RIT2: variants seen among roughly 807,000 people sequenced by gnomAD.
RIT2 encodes Ras like without CAAX 2, also known as GTP-binding protein Rit2.
Under a neutral mutation model 23.7 loss-of-function variants are expected in RIT2, and 24 were observed. The ratio of observed to expected loss-of-function variants is 1.01; its 90% confidence interval spans 0.73 to 1.43. The LOEUF is 1.43. Among genes scored for constraint, RIT2 ranks in the 40% most tolerant of loss-of-function variants. The pLI, the probability that RIT2 is intolerant of heterozygous loss-of-function variation, is 0.00. For synonymous variants in RIT2, 107 were observed against 91.1 expected, an observed-to-expected ratio of 1.17 and a Z score of -0.99; for missense variants, 236 against 266.9, an observed-to-expected ratio of 0.88 and a Z score of 0.81.
intron 4 of RIT2, among the ~76,000 whole-genome samples, chr18:42,847,806 A>G (rs1442101424): frequency 2.0e-5 from 3 of 151,918 alleles, no homozygotes; most frequent in African/African-American, 4.8e-5. Flanking sequence ...ATTTTAAAAA[A>G]TATAAGTTAA....
chr18:42,882,439 T>C (rs1359418449), intron 4 of RIT2, among the ~76,000 whole-genome samples: 1 of 152,208 alleles, frequency 6.6e-6, no homozygotes, highest in Non-Finnish European at 1.5e-5. Context: ...TATATCTGAC[T>C]GTCCATATGC....
intron 1 of RIT2, among the ~76,000 whole-genome samples, chr18:43,052,234 T>C (rs943012932): frequency 2.6e-5 from 4 of 152,092 alleles, no homozygotes; most frequent in Non-Finnish European, 4.4e-5. Context: ...AGCTAAATAA[T>C]GCAATTGATA....
At chr18:42,827,821 C>A (rs546204800) in intron 4 of RIT2, among the ~76,000 whole-genome samples, 1 of 151,534 alleles carries the variant, frequency 6.6e-6, no homozygotes, top group African/African-American at 2.4e-5. Flanking sequence ...CTGGCTAACA[C>A]GGTGAAACCC....
chr18:42,818,983 T>C (rs1340141174), intron 4 of RIT2, among the ~76,000 whole-genome samples: 2 of 152,076 alleles, frequency 1.3e-5, no homozygotes, highest in African/African-American at 4.8e-5. Context: ...CTAAATGTTA[T>C]AAACATATTG....
At chr18:42,759,564 G>A (rs907752436) in intron 4 of RIT2, among the ~76,000 whole-genome samples, 1 of 151,986 alleles carries the variant, frequency 6.6e-6, no homozygotes, top group South Asian at 2.1e-4. Context: ...GAAAGAAAAG[G>A]TTTAGGAAAG....
chr18:42,893,683 C>T (rs1908244291), intron 4 of RIT2, among the ~76,000 whole-genome samples: 3 of 152,094 alleles, frequency 2.0e-5, no homozygotes, highest in South Asian at 4.2e-4. Context: ...TGAAACACCA[C>T]CTTTGAAATA....
At chr18:42,981,962 G>A (rs1424816414) in intron 2 of RIT2, among the ~76,000 whole-genome samples, 3 of 152,082 alleles carry the variant, frequency 2.0e-5, no homozygotes, top group East Asian at 1.9e-4. Flanking sequence ...TGCAGTCCAC[G>A]GAAACACTGT....
At chr18:42,907,566 T>A (rs1908655266) in intron 4 of RIT2, among the ~76,000 whole-genome samples, 1 of 152,122 alleles carries the variant, frequency 6.6e-6, no homozygotes, top group Admixed American at 6.6e-5. Flanking sequence ...ATGTAATGAC[T>A]AAAATGTCTG....
chr18:42,759,155 G>A (rs183938255), intron 4 of RIT2, among the ~76,000 whole-genome samples: 1 of 152,206 alleles, frequency 6.6e-6, no homozygotes, highest in African/African-American at 2.4e-5. Flanking sequence ...AAAGAATTCA[G>A]GATTGCAATA....
At chr18:42,877,653 C>A (rs1907779014) in intron 4 of RIT2, among the ~76,000 whole-genome samples, 1 of 151,538 alleles carries the variant, frequency 6.6e-6, no homozygotes, top group Non-Finnish European at 1.5e-5. Context: ...TTGAACATCT[C>A]TATTCTGGAA....
chr18:43,087,440 A>C (rs1033846606), intron 1 of RIT2, among the ~76,000 whole-genome samples: 1 of 152,074 alleles, frequency 6.6e-6, no homozygotes, highest in African/African-American at 2.4e-5. Context: ...TAATCCTGGG[A>C]GGCACCTCAG....
intron 4 of RIT2, among the ~76,000 whole-genome samples, chr18:42,853,262 G>T (rs1384096351): frequency 6.6e-6 from 1 of 152,150 alleles, no homozygotes; most frequent in East Asian, 1.9e-4. Context: ...TAAGTCATTT[G>T]GGGTATTTAA....
At chr18:42,975,187 T>G (rs1328841258) in intron 2 of RIT2, among the ~76,000 whole-genome samples, 1 of 152,106 alleles carries the variant, frequency 6.6e-6, no homozygotes, top group Non-Finnish European at 1.5e-5. Context: ...ATTGTGTTTT[T>G]TATTTGTATT....
intron 4 of RIT2, among the ~76,000 whole-genome samples, chr18:42,869,980 T>C (rs970239306): frequency 7.9e-5 from 12 of 152,156 alleles, no homozygotes; most frequent in African/African-American, 2.9e-4. Context: ...GCACCCCTCT[T>C]CTCTCTGGGA....
At chr18:42,883,225 G>T (rs1296929235) in intron 4 of RIT2, among the ~76,000 whole-genome samples, 1 of 152,060 alleles carries the variant, frequency 6.6e-6, no homozygotes, top group Non-Finnish European at 1.5e-5. Context: ...TCTAAATGCT[G>T]CACAAAACAC....
intron 4 of RIT2, among the ~76,000 whole-genome samples, chr18:42,914,462 G>A (rs1908850200): frequency 6.6e-6 from 1 of 151,966 alleles, no homozygotes; most frequent in African/African-American, 2.4e-5. Context: ...GTAATAAAAA[G>A]AAACACACTA....
intron 4 of RIT2, among the ~76,000 whole-genome samples, chr18:42,819,242 G>C (rs1417599703): frequency 2.7e-5 from 4 of 146,058 alleles, no homozygotes; most frequent in African/African-American, 1.1e-4. Flanking sequence ...TTCACCAATA[G>C]GATTATGCAA....
chr18:43,050,851 G>A (rs1413807030), intron 1 of RIT2, among the ~76,000 whole-genome samples: 1 of 152,102 alleles, frequency 6.6e-6, no homozygotes, highest in Non-Finnish European at 1.5e-5. Flanking sequence ...GGAGGGCATT[G>A]AAGCTCCATG....
intron 2 of RIT2, among the ~76,000 whole-genome samples, chr18:42,986,663 A>T (rs966175993): frequency 8.6e-5 from 13 of 151,772 alleles, no homozygotes; most frequent in Non-Finnish European, 1.6e-4. Flanking sequence ...AACCGTGCCC[A>T]GCTAATTTTT....
Sources: allele counts gnomAD v4.1 joint callset (sites outside exome capture counted in the v4.1 genomes callset), GRCh38; gene constraint gnomAD v4.1.1; transcripts MANE v1.5; gene names NCBI Gene and HGNC (gene_info 2026-07-23, HGNC 2026-07-21).